COL9A3: variants seen among roughly 807,000 people sequenced by gnomAD.
COL9A3 encodes the protein collagen type IX alpha 3 chain.
COL9A3 carries 82 observed loss-of-function variants against 110.2 expected under a neutral mutation model. The observed-to-expected ratio is 0.74, with a 90% confidence interval of 0.62 to 0.89. The LOEUF is 0.89. Among genes scored for constraint, COL9A3 ranks in the 40% least tolerant of loss-of-function variants. COL9A3 has a pLI of 0.00. For synonymous variants in COL9A3, 494 were observed against 403.8 expected, an observed-to-expected ratio of 1.22 and a Z score of -2.68; for missense variants, 1,066 against 981.3, an observed-to-expected ratio of 1.09 and a Z score of -1.15.
chr20:62,832,101 A>G (rs1255113865), intron 24 of COL9A3, 53 bp from the exon 25 acceptor site: 15 of 1,568,030 alleles, frequency 9.6e-6, no homozygotes, highest in Admixed American at 3.3e-5. Flanking sequence ...GGGCAGGCTC[A>G]CTTTAGGGAT....
At chr20:62,826,018 G>A in intron 13 of COL9A3, 148 bp downstream of exon 13, 1 of 1,118,850 alleles carries the variant, frequency 8.9e-7, no homozygotes, top group Non-Finnish European at 1.3e-6. Context: ...CTGGCTGGGG[G>A]TCCCACCTCT....
At chr20:62,822,666 G>A in intron 10 of COL9A3, 34 bp downstream of exon 10, 1 of 1,607,230 alleles carries the variant, frequency 6.2e-7, no homozygotes. Context: ...AAGGGTGCTG[G>A]GGGGTGCCTA....
At position 62,821,839 on chromosome 20, in the gene COL9A3, G is replaced by A. The variant is rs1457638098; in HGVS notation, c.423+29G>A. ...AGTGGCTGTCCCAGAGCCCCTCAGAGTGTGCTCACCTGTGGCCTCCACCCC... is the reference window on the plus strand; with the variant it reads ...AGTGGCTGTCCCAGAGCCCCTCAGAATGTGCTCACCTGTGGCCTCCACCCC... On this transcript the variant is annotated intron_variant, in intron 8 of 31. Transcript: ENST00000649368. 7 of 1,507,584 alleles carry A rather than the reference G, an allele frequency of 4.6e-6. No individual in the cohort carries two copies. The Admixed American group carries it at 1.0e-4, about 22-fold the overall frequency. The allele number at this position is 1,507,584 out of a possible 1,614,324, so 93.4% of individuals were successfully genotyped here.
chr20:62,819,880 C>T, intron 4 of COL9A3, 49 bp from the exon 5 acceptor site: 1 of 1,607,502 alleles, frequency 6.2e-7, no homozygotes, highest in Non-Finnish European at 8.5e-7. Context: ...TGGGGGGTGG[C>T]ATGTGCTTCC....
chr20:62,823,777 C>A (rs968656915), intron 10 of COL9A3, among the ~76,000 whole-genome samples: 1 of 152,274 alleles, frequency 6.6e-6, no homozygotes, highest in Non-Finnish European at 1.5e-5. Flanking sequence ...CGAGCACATT[C>A]CTGTGCTGAG....
intron 30 of COL9A3, 28 bp from the exon 31 acceptor site, chr20:62,838,656 A>G: frequency 1.9e-6 from 3 of 1,545,028 alleles, no homozygotes; most frequent in South Asian, 1.2e-5. Flanking sequence ...TACTCTAACC[A>G]TATGTCTGTG....
At chr20:62,828,091 A>C in intron 17 of COL9A3, 115 bp downstream of exon 17, 1 of 1,094,950 alleles carries the variant, frequency 9.1e-7, no homozygotes, top group Non-Finnish European at 1.4e-6. Flanking sequence ...GCCATCTTGA[A>C]ATCTGGGTTA....
chr20:62,827,316 T>A, intron 16 of COL9A3, 22 bp downstream of exon 16: 2 of 1,612,212 alleles, frequency 1.2e-6, no homozygotes, highest in Non-Finnish European at 1.7e-6. Flanking sequence ...GGAAGTTGGT[T>A]CCCTGGGTCC....
At position 62,833,888 on chromosome 20, in the gene COL9A3, G is replaced by GT. The variant is rs71300914; in HGVS notation, c.1368+833dup. On this transcript the variant is annotated intron_variant, in intron 26 of 31. Coordinates refer to ENST00000649368, the MANE Select transcript of COL9A3 (RefSeq NM_001853.4). The stretch of plus-strand genomic sequence containing the variant: ...TTTTGTGTTTTGGGGGGTTTTGTTT[G>GT]TTTTTTTTTGAGATGGAGTCTCGCT... 3.1e-4 allele frequency among the ~76,000 whole-genome samples: 47 copies of GT among 149,722 alleles called. 1 individual carries two copies. The highest frequency in any genetic ancestry group is 4.7e-4 in the Admixed American group (7 of 15,014).
chr20:62,837,871 C>T (rs1249475512), intron 30 of COL9A3, among the ~76,000 whole-genome samples: 2 of 152,094 alleles, frequency 1.3e-5, no homozygotes, highest in Non-Finnish European at 1.5e-5. Flanking sequence ...AATCCCAGCA[C>T]GTTGGGAGGA....
chr20:62,836,109 C>T (rs938750161), intron 27 of COL9A3, 78 bp from the exon 28 acceptor site: 65 of 1,604,090 alleles, frequency 4.1e-5, no homozygotes, highest in Admixed American at 2.4e-4. Flanking sequence ...GGCTCCGTGC[C>T]GGCTGGGAAA....
chr20:62,840,145 C>G (rs1226545583), intron 31 of COL9A3, among the ~76,000 whole-genome samples: 1 of 151,984 alleles, frequency 6.6e-6, no homozygotes, highest in African/African-American at 2.4e-5. Flanking sequence ...GCGGCTGACT[C>G]CCTCTTCCCT....
At chr20:62,831,826 A>T (rs1391113585) in intron 24 of COL9A3, 1 of 431,982 alleles carries the variant, frequency 2.3e-6, no homozygotes, top group Non-Finnish European at 4.3e-6. Context: ...AGGTGATTAG[A>T]TGAGCTTTTG....
In COL9A3 at chr20:62,827,241, G is replaced by C; in HGVS notation, c.793G>C (p.Gly265Arg). 1 of 1,613,270 alleles carries C rather than the reference G, an allele frequency of 6.2e-7. No individual in the cohort carries two copies. The highest frequency in any genetic ancestry group is 8.5e-7 in the Non-Finnish European group (1 of 1,179,952). ...PGIPGAPGKA[G>R]DRGERGPEGF... ...CCCTGCCCCACCTCATCCTTTCCAG[G>C]GTGACCGAGGCGAGAGGGGCCCAGA... Residue 265 changes from glycine to arginine, a missense_variant and splice_region_variant, in exon 16 of 32, where the codon GGT (glycine) becomes CGT (arginine). Gly to Arg is a moderately radical substitution (Grantham distance 125). Coordinates refer to ENST00000649368, the MANE Select transcript of COL9A3 (RefSeq NM_001853.4).
At chr20:62,825,919 G>A (rs2063548758) in intron 13 of COL9A3, 49 bp downstream of exon 13, 5 of 1,532,792 alleles carry the variant, frequency 3.3e-6, no homozygotes, top group African/African-American at 2.7e-5. Flanking sequence ...TCAGCCCACA[G>A]AGTGATCAAG....
chr20:62,837,576 AG>A (rs748256750), intron 30 of COL9A3, among the ~76,000 whole-genome samples: 2 of 152,244 alleles, frequency 1.3e-5, no homozygotes, highest in South Asian at 4.1e-4. Flanking sequence ...TGGGGGGCTG[AG>A]GTGGGCAGAT....
At position 62,825,994 on chromosome 20, in the gene COL9A3, C is replaced by A; in HGVS notation, c.684+124C>A. The A allele has an allele frequency of 3.3e-6, 4 of 1,197,762 alleles. No homozygotes were observed. The South Asian group carries it at 4.2e-5, about 13-fold the overall frequency. The allele number at this position is 1,197,762 out of a possible 1,614,324, so 74.2% of individuals were successfully genotyped here. ...GGGGGGTGTTTGGCCAACACCCAGGCACAGGAGCGCGACCTGGCTGGGGGT... is the reference window on the plus strand; with the variant it reads ...GGGGGGTGTTTGGCCAACACCCAGGAACAGGAGCGCGACCTGGCTGGGGGT... On this transcript the variant is annotated intron_variant, in intron 13 of 31. Coordinates refer to ENST00000649368, the MANE Select transcript of COL9A3 (RefSeq NM_001853.4).
Position 62,822,610 on chromosome 20 carries a change from C to T in COL9A3, c.497C>T (p.Pro166Leu). 3 of 1,612,620 alleles carry T rather than the reference C, an allele frequency of 1.9e-6. No homozygotes were observed. Among genetic ancestry groups the T allele is most frequent in the Non-Finnish European group, 1.7e-6 (2 of 1,179,984 alleles). The change falls in exon 10 of 32, where the codon CCT becomes CTT. Residue 166 changes from proline (P) to leucine (L), a missense_variant. Coordinates refer to ENST00000649368, the MANE Select transcript of COL9A3 (RefSeq NM_001853.4). Reference sequence around the variant, plus strand: ...TCTTAGGGACACCCAGGAGTCCTCCCTGAAGGCGCTACTGACCTTCAGGTA... The same window carrying T: ...TCTTAGGGACACCCAGGAGTCCTCCTTGAAGGCGCTACTGACCTTCAGGTA... ...PGPPGHPGVL[P>L]EGATDLQCPS...
intron 9 of COL9A3, 137 bp downstream of exon 9, chr20:62,822,301 T>C: frequency 1.4e-6 from 1 of 732,576 alleles, no homozygotes. Context: ...CCAGGAACAG[T>C]CAATGGTGGG....
Sources: allele counts gnomAD v4.1 joint callset (sites outside exome capture counted in the v4.1 genomes callset), GRCh38; gene constraint gnomAD v4.1.1; transcripts MANE v1.5; gene names NCBI Gene and HGNC (gene_info 2026-07-23, HGNC 2026-07-21).